Variants in FUBP1 observed in about 807,000 individuals in gnomAD.
FUBP1 encodes the protein far upstream element-binding protein 1.
In FUBP1, 16 loss-of-function variants were observed where a neutral mutation model predicts 94.9. That is an observed-to-expected ratio of 0.17 (90% confidence interval 0.11 to 0.26). The LOEUF is 0.26. Ranked by LOEUF, FUBP1 falls within the 10% of genes least tolerant of loss-of-function variation. The pLI, the probability that FUBP1 is intolerant of heterozygous loss-of-function variation, is 1.00. For missense variants in FUBP1, 583 were observed against 808.6 expected (o/e 0.72, Z 3.38); for synonymous variants, 279 against 254.9 (o/e 1.09, Z -0.90).
At position 77,955,312 on chromosome 1, in the gene FUBP1, C is replaced by A; in HGVS notation, c.1723G>T (p.Ala575Ser). ...GTATAATCAACCTGTCCAGCTGGGG[C>A]TGGATTCTGCTGATCTCCTTGTTCA... ...TNGQGDQQNP[A>S]PAGQVDYTKA... Residue 575 changes from alanine (A) to serine (S), a missense_variant, in exon 18 of 20, where the codon GCC becomes TCC. Transcript: ENST00000370768. 3 of 1,574,044 alleles carry A rather than the reference C, an allele frequency of 1.9e-6. No homozygotes were observed. Among genetic ancestry groups the A allele is most frequent in the Non-Finnish European group, 2.6e-6 (3 of 1,143,660 alleles).
chr1:77,953,565 G>A lies in FUBP1; in HGVS notation c.1780+1690C>T, dbSNP rs1653908914. On this transcript the variant is annotated intron_variant, in intron 18 of 19. Coordinates refer to ENST00000370768, the MANE Select transcript of FUBP1 (RefSeq NM_003902.5). ...AACAACAGAAAAGGTGGGGTAAGGAGGTTCTTTAGTCATACAGCATTATTA... is the reference window on the plus strand; with the variant it reads ...AACAACAGAAAAGGTGGGGTAAGGAAGTTCTTTAGTCATACAGCATTATTA... Among the ~76,000 whole-genome samples, 5 of 152,054 alleles carry A rather than the reference G, an allele frequency of 3.3e-5. No homozygotes were observed. In the South Asian group the frequency reaches 1.0e-3, roughly 32 times the overall value.
Position 77,947,209 on chromosome 1 carries a change from A to AAG in FUBP1, c.*1555_*1556dup. 1 of 241,416 alleles carries AAG rather than the reference A, an allele frequency of 4.1e-6. No homozygotes were observed. The highest frequency in any genetic ancestry group is 5.1e-5 in the Admixed American group (1 of 19,550). 15.0% of individuals were successfully genotyped at this position (241,416 alleles called of 1,614,324 possible). A position where few individuals can be genotyped will look rare whatever the true frequency, so the allele number is the denominator to read the frequency against. On this transcript the variant is annotated 3_prime_UTR_variant, in exon 20 of 20. Transcript: ENST00000370768. ...GTGAATAATACTATTCAACTTTGTTAAGTATCAGTTTTCTTTAGCTATAGC... is the reference window on the plus strand; with the variant it reads ...GTGAATAATACTATTCAACTTTGTTAAGAGTATCAGTTTTCTTTAGCTATAGC...
At chr1:77,965,942 G>A (rs544603604) in intron 7 of FUBP1, among the ~76,000 whole-genome samples, 7 of 152,306 alleles carry the variant, frequency 4.6e-5, no homozygotes, top group Admixed American at 1.3e-4. Context: ...CCAGCTACTC[G>A]GGAGGCGGAG....
chr1:77,958,316 C>CA (rs1450720048), intron 16 of FUBP1, among the ~76,000 whole-genome samples: 1 of 152,078 alleles, frequency 6.6e-6, no homozygotes, highest in Non-Finnish European at 1.5e-5. Context: ...GATAAGAAAA[C>CA]AGAGGCTTAG....
chr1:77,968,069 A>T, intron 3 of FUBP1, 96 bp downstream of exon 3: 1 of 759,308 alleles, frequency 1.3e-6, no homozygotes, highest in Non-Finnish European at 2.1e-6. Context: ...AATACTCATA[A>T]ACCAACTAAC....
chr1:77,950,977 T>C (rs924437793), intron 18 of FUBP1, among the ~76,000 whole-genome samples: 1 of 152,254 alleles, frequency 6.6e-6, no homozygotes. Context: ...TTTCCTGTCT[T>C]CTATAAATAA....
At chr1:77,960,517 A>G in intron 14 of FUBP1, 22 bp from the exon 15 acceptor site, 1 of 1,573,474 alleles carries the variant, frequency 6.4e-7, no homozygotes, top group Non-Finnish European at 8.6e-7. Flanking sequence ...AGGATGACAT[A>G]GAAAAATCAG....
intron 19 of FUBP1, 144 bp downstream of exon 19, chr1:77,949,011 C>T (rs533788542): frequency 1.1e-6 from 1 of 947,952 alleles, no homozygotes; most frequent in African/African-American, 1.7e-5. Flanking sequence ...AAAACCCAAA[C>T]AATACACCGT....
chr1:77,957,574 AATACC>A (rs1557431080), intron 16 of FUBP1, among the ~76,000 whole-genome samples: 4 of 152,226 alleles, frequency 2.6e-5, no homozygotes, highest in Non-Finnish European at 5.9e-5. Flanking sequence ...TTATACTAGG[AATACC>A]ATACAATTAA....
At chr1:77,976,683 G>A (rs1289984712) in intron 1 of FUBP1, among the ~76,000 whole-genome samples, 1 of 151,930 alleles carries the variant, frequency 6.6e-6, no homozygotes, top group Non-Finnish European at 1.5e-5. Flanking sequence ...TTGTAAAGAT[G>A]GGGTTTCACC....
chr1:77,954,380 G>C (rs143880652), intron 18 of FUBP1, among the ~76,000 whole-genome samples: 112 of 152,290 alleles, frequency 7.4e-4, no homozygotes, highest in African/African-American at 2.5e-3. Flanking sequence ...ATCTGTTAAA[G>C]CCTCAGAAAG....
At chr1:77,953,883 C>T (rs1179116100) in intron 18 of FUBP1, among the ~76,000 whole-genome samples, 1 of 152,120 alleles carries the variant, frequency 6.6e-6, no homozygotes, top group Admixed American at 6.5e-5. Context: ...CTCATTCCTC[C>T]ATAATTACCT....
At position 77,962,787 on chromosome 1, in the gene FUBP1, T is replaced by C. The variant is rs751568612; in HGVS notation, c.1327A>G (p.Ile443Val). 25 of 1,610,840 alleles carry C rather than the reference T, an allele frequency of 1.6e-5. No individual in the cohort carries two copies. In the South Asian group the frequency reaches 2.3e-4, roughly 15 times the overall value. Residue 443 changes from isoleucine (I) to valine (V), a missense_variant, in exon 14 of 20, where the codon ATA becomes GTA. Ile to Val is a conservative substitution (Grantham distance 29). Transcript: ENST00000370768. Reference sequence around the variant, plus strand: ...ATACTCACACCAATCTTTTCTTCTATGAGTTGCCGAGCATAGTCTATCTGT... The same window carrying C: ...ATACTCACACCAATCTTTTCTTCTACGAGTTGCCGAGCATAGTCTATCTGT... Reference protein sequence around the residue: ...PQQIDYARQLIEEKIGGPVNP... With the variant: ...PQQIDYARQLVEEKIGGPVNP...
chr1:77,969,066 G>T, intron 2 of FUBP1: 1 of 1,277,382 alleles, frequency 7.8e-7, no homozygotes. Flanking sequence ...TGTACTGCTC[G>T]GACTTGTCCA....
chr1:77,963,225 A>G (rs2102380212), intron 13 of FUBP1, among the ~76,000 whole-genome samples: 1 of 152,364 alleles, frequency 6.6e-6, no homozygotes. Context: ...GTGTAAATAT[A>G]AACTAATACA....
intron 18 of FUBP1, among the ~76,000 whole-genome samples, chr1:77,951,769 T>G (rs1020796559): frequency 1.1e-4 from 16 of 152,210 alleles, no homozygotes; most frequent in African/African-American, 3.6e-4. Context: ...AGAGTTAGCT[T>G]GCAAGATTCT....
Position 77,947,183 on chromosome 1 carries a change from A to G in FUBP1, c.*1583T>C, listed in dbSNP as rs935263957. ...TGAAAAACAATATTTTAGGAGCACC[A>G]GTGAATAATACTATTCAACTTTGTT... On this transcript the variant is annotated 3_prime_UTR_variant, in exon 20 of 20. Coordinates refer to ENST00000370768, the MANE Select transcript of FUBP1 (RefSeq NM_003902.5). 1 of 214,488 alleles carries G rather than the reference A, an allele frequency of 4.7e-6. No individual in the cohort carries two copies. The highest frequency in any genetic ancestry group is 9.5e-6 in the Non-Finnish European group (1 of 105,760). 13.3% of individuals were successfully genotyped at this position (214,488 alleles called of 1,614,324 possible). A position where few individuals can be genotyped will look rare whatever the true frequency, so the allele number is the denominator to read the frequency against.
chr1:77,973,012 T>TA (rs59664058), intron 1 of FUBP1, among the ~76,000 whole-genome samples: 7,180 of 134,594 alleles, frequency 0.053, 174 homozygotes, highest in Middle Eastern at 0.074. Context: ...CTCCATCTCT[T>TA]AAAAAAAAAA....
At chr1:77,966,591 C>T (rs942626731) in intron 7 of FUBP1, 103 bp downstream of exon 7, 4 of 689,842 alleles carry the variant, frequency 5.8e-6, no homozygotes, top group South Asian at 3.5e-5. Flanking sequence ...AAGGTGGCAG[C>T]GAAACCACAG....
Sources: allele counts gnomAD v4.1 joint callset (sites outside exome capture counted in the v4.1 genomes callset), GRCh38; gene constraint gnomAD v4.1.1; transcripts MANE v1.5; gene names NCBI Gene and HGNC (gene_info 2026-07-23, HGNC 2026-07-21).